The following CCDC102B variants were observed in gnomAD, a reference collection of about 807,000 sequenced individuals.
The protein encoded by CCDC102B is coiled-coil domain containing 102B.
Under a neutral mutation model 57.4 loss-of-function variants are expected in CCDC102B, and 75 were observed. The ratio of observed to expected loss-of-function variants is 1.31; its 90% CI spans 1.08 to 1.58. CCDC102B has a LOEUF of 1.58. CCDC102B is among the 40% of genes most tolerant of loss of function. The probability of loss-of-function intolerance (pLI) is 0.00; values close to 1 mark genes in which losing one functional copy is unlikely to be tolerated. For missense variants in CCDC102B, 636 were observed against 582.6 expected (o/e 1.09, Z -0.94); for synonymous variants, 206 against 201.9 (o/e 1.02, Z -0.17).
intron 4 of CCDC102B, among the ~76,000 whole-genome samples, chr18:68,865,570 G>A (rs757079910): frequency 2.0e-4 from 31 of 152,012 alleles, no homozygotes; most frequent in Non-Finnish European, 3.5e-4. Flanking sequence ...TCTGCCTAAG[G>A]AAGTACTTTG....
intron 6 of CCDC102B, among the ~76,000 whole-genome samples, chr18:68,972,847 G>T (rs185102313): frequency 6.6e-6 from 1 of 151,752 alleles, no homozygotes; most frequent in South Asian, 2.1e-4. Context: ...TTTAGACGCC[G>T]GTCAAAAATG....
At position 68,908,801 on chromosome 18, in the gene CCDC102B, C is replaced by T. The variant is rs73967740; in HGVS notation, c.1263+11373C>T. On this transcript the variant is annotated intron_variant, in intron 6 of 7. Transcript: ENST00000360242. ...ATAAAATTTAGCATTGGATAATATA[C>T]GTGTGTACATATATATTGGTTACTT... 2.2e-3 allele frequency among the ~76,000 whole-genome samples: 334 copies of T among 151,988 alleles called. 1 individual carries two copies. Among genetic ancestry groups the T allele is most frequent in the African/African-American group, 6.9e-3 (287 of 41,450 alleles).
At chr18:68,721,361 C>A (rs929474408) in intron 2 of CCDC102B, 8 of 152,184 alleles carry the variant, frequency 5.3e-5, no homozygotes, top group Admixed American at 4.6e-4. Context: ...TTGTCCCTTT[C>A]CAGTGCTCCT....
At chr18:68,965,337 T>G (rs1336253358) in intron 6 of CCDC102B, among the ~76,000 whole-genome samples, 2 of 151,770 alleles carry the variant, frequency 1.3e-5, no homozygotes, top group African/African-American at 4.8e-5. Flanking sequence ...TCCCCCTATT[T>G]TGCTGCTGAG....
chr18:68,953,010 G>T (rs1226806293), intron 6 of CCDC102B, among the ~76,000 whole-genome samples: 1 of 152,026 alleles, frequency 6.6e-6, no homozygotes, highest in East Asian at 1.9e-4. Context: ...AAAAGATTAT[G>T]ATATAGACAC....
intron 5 of CCDC102B, among the ~76,000 whole-genome samples, chr18:68,886,639 A>G (rs2039895892): frequency 6.6e-6 from 1 of 152,038 alleles, no homozygotes. Context: ...GTCCATTGAA[A>G]TTTTTGTTCT....
chr18:68,903,044 G>A (rs1326142747), intron 6 of CCDC102B, among the ~76,000 whole-genome samples: 2 of 152,124 alleles, frequency 1.3e-5, no homozygotes, highest in African/African-American at 2.4e-5. Context: ...TGTGTGCATC[G>A]TCGTACTAAA....
intron 1 of CCDC102B, among the ~76,000 whole-genome samples, chr18:68,821,679 A>G (rs2036695062): frequency 6.6e-6 from 1 of 151,772 alleles, no homozygotes; most frequent in Non-Finnish European, 1.5e-5. Context: ...CAATTGAAAT[A>G]TATAAATATA....
chr18:68,874,398 G>C (rs2039360994), intron 4 of CCDC102B, among the ~76,000 whole-genome samples: 1 of 151,936 alleles, frequency 6.6e-6, no homozygotes, highest in South Asian at 2.1e-4. Flanking sequence ...TTCGGAGTTT[G>C]TGGAGGTAAC....
intron 6 of CCDC102B, among the ~76,000 whole-genome samples, chr18:68,929,958 C>G (rs527694470): frequency 2.0e-5 from 3 of 151,676 alleles, no homozygotes; most frequent in African/African-American, 7.3e-5. Flanking sequence ...AGTTACCACA[C>G]AATCCTAAAA....
chr18:68,730,028 C>T (rs1042123670), intron 2 of CCDC102B, among the ~76,000 whole-genome samples: 4 of 152,010 alleles, frequency 2.6e-5, no homozygotes, highest in Admixed American at 1.3e-4. Flanking sequence ...AAAATAAGAC[C>T]TCATTGACGT....
intron 5 of CCDC102B, among the ~76,000 whole-genome samples, chr18:68,879,862 A>G (rs1188961408): frequency 6.6e-6 from 1 of 152,078 alleles, no homozygotes; most frequent in Non-Finnish European, 1.5e-5. Flanking sequence ...CGATTGGTGT[A>G]TTTACAATCC....
intron 1 of CCDC102B, among the ~76,000 whole-genome samples, chr18:68,821,287 A>G (rs534410775): frequency 1.2e-4 from 19 of 152,072 alleles, no homozygotes; most frequent in African/African-American, 4.3e-4. Context: ...AATTTAGTGC[A>G]GTCATTTATT....
chr18:68,974,599 C>T (rs1010906347), intron 6 of CCDC102B, among the ~76,000 whole-genome samples: 1 of 151,594 alleles, frequency 6.6e-6, no homozygotes. Flanking sequence ...GACTGATTTT[C>T]TTGAATGCCT....
At chr18:69,043,874 TC>T (rs2052494072) in intron 7 of CCDC102B, among the ~76,000 whole-genome samples, 1 of 152,022 alleles carries the variant, frequency 6.6e-6, no homozygotes, top group Non-Finnish European at 1.5e-5. Context: ...CTACAATACA[TC>T]CCAGTTGTTT....
intron 7 of CCDC102B, among the ~76,000 whole-genome samples, chr18:69,051,747 CAT>C (rs2052710863): frequency 6.6e-6 from 1 of 151,856 alleles, no homozygotes; most frequent in African/African-American, 2.4e-5. Flanking sequence ...AGAATTTTGA[CAT>C]ATGACAGATT....
At chr18:68,715,364 A>G in intron 1 of CCDC102B, 1 of 625,460 alleles carries the variant, frequency 1.6e-6, no homozygotes, top group Non-Finnish European at 2.1e-6. Context: ...AGGGTGAGGT[A>G]GGCTCTGACG....
At chr18:68,909,898 A>C (rs1014677437) in intron 6 of CCDC102B, among the ~76,000 whole-genome samples, 3 of 151,982 alleles carry the variant, frequency 2.0e-5, no homozygotes, top group African/African-American at 7.3e-5. Flanking sequence ...TTTGTATTTT[A>C]TTCTAATTTT....
At chr18:68,942,779 C>T (rs1413737135) in intron 6 of CCDC102B, among the ~76,000 whole-genome samples, 2 of 151,660 alleles carry the variant, frequency 1.3e-5, no homozygotes, top group Admixed American at 6.6e-5. Context: ...TGCAAAGAGG[C>T]CTTCCTCTTT....
Sources: gnomAD v4.1 joint callset for allele counts (sites outside exome capture counted in the v4.1 genomes callset) on GRCh38, gnomAD v4.1.1 for gene constraint, MANE v1.5 for transcripts, NCBI Gene and HGNC (gene_info 2026-07-23, HGNC 2026-07-21) for gene names.